PABIR2: variants seen among roughly 807,000 people sequenced by gnomAD.
The protein encoded by PABIR2 is PABIR family member 2.
A neutral mutation model predicts 22.8 loss-of-function variants in PABIR2; 7 were observed. The ratio of observed to expected loss-of-function variants is 0.31; its 90% CI spans 0.17 to 0.58. PABIR2 has a LOEUF of 0.58. PABIR2 is among the 20% of genes least tolerant of loss of function. The probability of loss-of-function intolerance (pLI) is 0.89; values close to 1 mark genes in which losing one functional copy is unlikely to be tolerated. For missense variants in PABIR2, 155 were observed against 205.1 expected, an observed-to-expected ratio of 0.76 and a Z score of 1.49; for synonymous variants, 67 against 73.8, an observed-to-expected ratio of 0.91 and a Z score of 0.47.
intron 2 of PABIR2, among the ~76,000 whole-genome samples, chrX:134,790,041 CTAA>C (rs1325018839): frequency 5.4e-5 from 6 of 111,856 alleles, no homozygotes; most frequent in Non-Finnish European, 1.1e-4. Flanking sequence ...GGAAGACAGG[CTAA>C]TAAGTCTAGT....
In PABIR2 at chrX:134,769,575, T is replaced by G. The variant is rs1252644717; in HGVS notation, c.*2564A>C. 8.9e-6 allele frequency: 1 copy of G among 112,176 alleles called. No individual in the cohort carries two copies. Among genetic ancestry groups the G allele is most frequent in the Non-Finnish European group, 1.9e-5 (1 of 53,290 alleles). 9.2% of individuals were successfully genotyped at this position (112,176 alleles called of 1,213,427 possible). A position where few individuals can be genotyped will look rare whatever the true frequency, so the allele number is the denominator to read the frequency against. On this transcript the variant is annotated 3_prime_UTR_variant, in exon 10 of 10. Transcript: ENST00000343004. Reference sequence around the variant, plus strand: ...ACTTTTAAAACACTAGTAAATTTTATGCATGTATACACACTTTATTAAATT... The same window carrying G: ...ACTTTTAAAACACTAGTAAATTTTAGGCATGTATACACACTTTATTAAATT...
intron 8 of PABIR2, among the ~76,000 whole-genome samples, chrX:134,782,218 G>A (rs1340919022): frequency 8.9e-6 from 1 of 111,914 alleles, no homozygotes; most frequent in East Asian, 2.8e-4. Context: ...GACCACAGTA[G>A]AGATAAGGAA....
At chrX:134,772,369 A>T (rs2078856755) in intron 9 of PABIR2, 86 bp from the exon 10 acceptor site, 2 of 882,740 alleles carry the variant, frequency 2.3e-6, no homozygotes, top group Non-Finnish European at 3.1e-6. Context: ...AGAGCTCACA[A>T]ATCAGTAAAT....
At chrX:134,789,547 A>G in intron 3 of PABIR2, 33 bp downstream of exon 3, 1 of 1,131,106 alleles carries the variant, frequency 8.8e-7, no homozygotes. Flanking sequence ...AAATCCAAAA[A>G]ATTTCCAATC....
In PABIR2 at chrX:134,770,506, ATTACTAGTCTCTGAGTGCC is replaced by A. The variant is rs2078822608; in HGVS notation, c.*1614_*1632del. ...TGGGTTTCCCTTCAAACCATATGCT[ATTACTAGTCTCTGAGTGCC>A]TTCAAAGCACATACTCTTCCTTTAA... On this transcript the variant is annotated 3_prime_UTR_variant, in exon 10 of 10. Coordinates refer to ENST00000343004, the MANE Select transcript of PABIR2 (RefSeq NM_001387468.1). 1 of 112,861 alleles carries A rather than the reference ATTACTAGTCTCTGAGTGCC, an allele frequency of 8.9e-6. No individual in the cohort carries two copies. The highest frequency in any genetic ancestry group is 3.2e-5 in the African/African-American group (1 of 30,995). 9.3% of individuals were successfully genotyped at this position (112,861 alleles called of 1,213,427 possible). A position where few individuals can be genotyped will look rare whatever the true frequency, so the allele number is the denominator to read the frequency against.
chrX:134,778,761 G>A (rs1357825839), intron 9 of PABIR2, among the ~76,000 whole-genome samples: 1 of 110,819 alleles, frequency 9.0e-6, no homozygotes, highest in African/African-American at 3.3e-5. Context: ...CACTTGGCTT[G>A]TTGACACTCT....
At chrX:134,789,063 A>G (rs919675476) in intron 5 of PABIR2, 22 bp downstream of exon 5, 10 of 1,209,890 alleles carry the variant, frequency 8.3e-6, no homozygotes, top group South Asian at 1.8e-5. Flanking sequence ...ATGAAAACCA[A>G]ACAGACATGA....
rs2079469127 is a variant in PABIR2, at chrX:134,789,118, C to G, written c.300G>C (p.Gln100His). The change falls in exon 5 of 10, where the codon CAG becomes CAC. Residue 100 changes from glutamine to histidine, a missense_variant. By Grantham distance (24) the Gln-to-His change is conservative. Transcript: ENST00000343004. ...AGCTCTCATCCCATGATTGGCTTAT[C>G]TGCATTGCCGTTTGCATTTCCCTAA... ...AHEREMQTAMQISQSWDESLS... is the reference protein window; with the variant it reads ...AHEREMQTAMHISQSWDESLS... The G allele has an allele frequency of 8.3e-7, 1 of 1,210,639 alleles. No individual in the cohort carries two copies. Among genetic ancestry groups the G allele is most frequent in the African/African-American group, 1.7e-5 (1 of 57,350 alleles).
rs1336112143 is a variant in PABIR2 at position 134,796,441 on chromosome X, C to G, written c.-236G>C. On this transcript the variant is annotated 5_prime_UTR_variant, in exon 1 of 10. Transcript: ENST00000343004. ...ATGATGGTGAGGCAGGAGAGGAGGA[C>G]GAAGAGGTAGTGGTGGAAGGTGACA... The G allele has an allele frequency of 1.5e-5, 5 of 326,375 alleles. No homozygotes were observed. The highest frequency in any genetic ancestry group is 2.7e-5 in the Non-Finnish European group (5 of 188,632). The allele number at this position is 326,375 out of a possible 1,213,427, so 26.9% of individuals were successfully genotyped here.
At chrX:134,777,441 G>T (rs2079010456) in intron 9 of PABIR2, among the ~76,000 whole-genome samples, 1 of 107,572 alleles carries the variant, frequency 9.3e-6, no homozygotes, top group Admixed American at 1.0e-4. Context: ...TGGGTGGATG[G>T]CTTGAGCCCG....
intron 8 of PABIR2, among the ~76,000 whole-genome samples, chrX:134,785,093 AATAT>A (rs776245461): frequency 8.0e-4 from 90 of 112,191 alleles, no homozygotes; most frequent in African/African-American, 2.9e-3. Context: ...CAATTTTTTG[AATAT>A]ATAATGATAA....
chrX:134,787,610 CTTTTTTTTTTTTTT>C (rs1179720154), intron 6 of PABIR2, 77 bp from the exon 7 acceptor site: 5 of 294,086 alleles, frequency 1.7e-5, no homozygotes, highest in Admixed American at 1.4e-4. Flanking sequence ...AGTTTTCTTT[CTTTTTTTTTTTTTT>C]TTTTTTTTTT....
rs1267440257 is a variant in PABIR2 at position 134,772,102 on chromosome X, A to G, written c.*37T>C. ...TTCCCCACTAAACATTTTATGTAGG[A>G]AACAGCAGTTAAAACGTTGAATCAG... is the stretch of plus-strand genomic sequence containing the variant. On this transcript the variant is annotated 3_prime_UTR_variant, in exon 10 of 10. Coordinates refer to ENST00000343004, the MANE Select transcript of PABIR2 (RefSeq NM_001387468.1). 8.6e-7 allele frequency: 1 copy of G among 1,165,999 alleles called. No individual in the cohort carries two copies. The highest frequency in any genetic ancestry group is 1.8e-5 in the African/African-American group (1 of 56,137).
Position 134,781,846 on chromosome X carries a change from C to T in PABIR2, c.634G>A (p.Ala212Thr), listed in dbSNP as rs757171918. The T allele has an allele frequency of 1.3e-4, 153 of 1,197,558 alleles. No individual in the cohort carries two copies. In the South Asian group the frequency reaches 2.1e-3, roughly 17 times the overall value. ...GTTNMLSPDAAQLSDLSSCSD... is the reference protein window; with the variant it reads ...GTTNMLSPDATQLSDLSSCSD... ...CATGAACTGAGATCAGACAGTTGCG[C>T]GGCATCTGGAGATAACATATTGGTA... The change falls in exon 9 of 10, where the codon GCG becomes ACG. Residue 212 changes from alanine (A) to threonine (T), a missense_variant. Physicochemically the swap from Ala to Thr is moderately conservative, Grantham distance 58. Transcript: ENST00000343004.
chrX:134,789,344 T>A, intron 3 of PABIR2, 78 bp from the exon 4 acceptor site: 2 of 1,117,724 alleles, frequency 1.8e-6, no homozygotes, highest in Non-Finnish European at 2.5e-6. Flanking sequence ...GCAATTTTTA[T>A]CCACATAGTT....
intron 9 of PABIR2, among the ~76,000 whole-genome samples, chrX:134,779,586 A>C (rs377629735): frequency 3.6e-5 from 4 of 111,897 alleles, no homozygotes; most frequent in African/African-American, 1.3e-4. Context: ...TGCTGCTCGG[A>C]GGAATAAATG....
intron 5 of PABIR2, 50 bp from the exon 6 acceptor site, chrX:134,788,881 C>T (rs754903460): frequency 1.9e-6 from 2 of 1,074,736 alleles, no homozygotes; most frequent in South Asian, 4.0e-5. Context: ...CACATCACAG[C>T]TCTTACTTAC....
In PABIR2 at chrX:134,771,653, T is replaced by A. The variant is rs1349375981; in HGVS notation, c.*486A>T. On this transcript the variant is annotated 3_prime_UTR_variant, in exon 10 of 10. Coordinates refer to ENST00000343004, the MANE Select transcript of PABIR2 (RefSeq NM_001387468.1). ...TGAAGCTGATGCAGAAAAATAAAAATTTAATATAATTAAAAGCAATTTATA... is the reference window on the plus strand; with the variant it reads ...TGAAGCTGATGCAGAAAAATAAAAAATTAATATAATTAAAAGCAATTTATA... 2 of 801,033 alleles carry A rather than the reference T, an allele frequency of 2.5e-6. No homozygotes were observed. Among genetic ancestry groups the A allele is most frequent in the Non-Finnish European group, 3.0e-6 (2 of 666,451 alleles). The allele number at this position is 801,033 out of a possible 1,213,427, so 66.0% of individuals were successfully genotyped here.
At chrX:134,790,606 C>T (rs1173575520) in intron 2 of PABIR2, among the ~76,000 whole-genome samples, 1 of 112,004 alleles carries the variant, frequency 8.9e-6, no homozygotes, top group Non-Finnish European at 1.9e-5. Context: ...ATGGCATGAT[C>T]TCTGCTCACT....
Sources: gnomAD v4.1 joint callset for allele counts (sites outside exome capture counted in the v4.1 genomes callset) on GRCh38, gnomAD v4.1.1 for gene constraint, MANE v1.5 for transcripts, NCBI Gene and HGNC (gene_info 2026-07-23, HGNC 2026-07-21) for gene names.